SNX29: variants seen among roughly 807,000 people sequenced by gnomAD.
SNX29 encodes sorting nexin-29.
A neutral mutation model predicts 102.1 loss-of-function variants in SNX29; 78 were observed. The observed-to-expected ratio is 0.76, with a 90% CI of 0.64 to 0.92. The LOEUF is 0.92. Ranked by LOEUF, SNX29 falls within the 40% of genes least tolerant of loss-of-function variation. The pLI is 0.00. For missense variants in SNX29, 1,280 were observed against 1,061.7 expected, an observed-to-expected ratio of 1.21 and a Z score of -2.86; for synonymous variants, 580 against 414.5, an observed-to-expected ratio of 1.40 and a Z score of -4.85.
chr16:12,128,713 T>TA (rs2141404542), intron 12 of SNX29, among the ~76,000 whole-genome samples: 1 of 152,176 alleles, frequency 6.6e-6, no homozygotes, highest in Non-Finnish European at 1.5e-5. Flanking sequence ...TTGGCCTCCC[T>TA]AAGTGCTGGA....
At chr16:12,261,682 A>G (rs2078770704) in intron 14 of SNX29, among the ~76,000 whole-genome samples, 1 of 97,448 alleles carries the variant, frequency 1.0e-5, no homozygotes, top group Admixed American at 1.3e-4. Context: ...CCCCGGCTGG[A>G]GTGAGTGTTT....
chr16:12,441,001 A>G (rs1209297218), intron 18 of SNX29, among the ~76,000 whole-genome samples: 1 of 152,112 alleles, frequency 6.6e-6, no homozygotes, highest in East Asian at 1.9e-4. Context: ...AAATCATACA[A>G]TACGTGGCCT....
At chr16:12,550,577 C>G in intron 20 of SNX29, among the ~76,000 whole-genome samples, 1 of 150,956 alleles carries the variant, frequency 6.6e-6, no homozygotes. Context: ...ATATATACTT[C>G]CACCGGTGCA....
At chr16:12,492,718 G>A (rs2088613885) in intron 19 of SNX29, among the ~76,000 whole-genome samples, 1 of 152,164 alleles carries the variant, frequency 6.6e-6, no homozygotes, top group Non-Finnish European at 1.5e-5. Flanking sequence ...TAAGGTGTAA[G>A]GAAGGGATCC....
chr16:12,322,037 G>A (rs780032680), intron 15 of SNX29, among the ~76,000 whole-genome samples: 4 of 152,224 alleles, frequency 2.6e-5, no homozygotes, highest in Middle Eastern at 3.4e-3. Flanking sequence ...GGCTGTCGTC[G>A]GGGTCCCGGT....
At chr16:12,377,102 G>C (rs1032753950) in intron 16 of SNX29, among the ~76,000 whole-genome samples, 2 of 152,244 alleles carry the variant, frequency 1.3e-5, no homozygotes, top group South Asian at 4.2e-4. Context: ...CAGACTTTCT[G>C]TGTTCTCCAG....
At chr16:12,511,420 T>G (rs1336968635) in intron 19 of SNX29, among the ~76,000 whole-genome samples, 2 of 152,134 alleles carry the variant, frequency 1.3e-5, no homozygotes, top group Non-Finnish European at 2.9e-5. Flanking sequence ...AGGGGTATGC[T>G]GAGATAATGG....
chr16:12,050,515 T>C (rs1567565500), intron 7 of SNX29, among the ~76,000 whole-genome samples: 1 of 152,066 alleles, frequency 6.6e-6, no homozygotes, highest in Non-Finnish European at 1.5e-5. Context: ...GGTGGTTAGA[T>C]TGGAAGATCC....
intron 14 of SNX29, among the ~76,000 whole-genome samples, chr16:12,224,409 C>T (rs1245627068): frequency 6.6e-6 from 1 of 152,202 alleles, no homozygotes; most frequent in Non-Finnish European, 1.5e-5. Context: ...GGTCACTCCC[C>T]CTGGGGCTCC....
At chr16:12,536,706 G>C (rs1218222507) in intron 20 of SNX29, among the ~76,000 whole-genome samples, 1 of 152,172 alleles carries the variant, frequency 6.6e-6, no homozygotes, top group Non-Finnish European at 1.5e-5. Context: ...GGCTGGACGT[G>C]GTGGCTCACG....
Position 12,546,120 on chromosome 16 carries a change from C to A in SNX29, c.2318+21279C>A, listed in dbSNP as rs188642627. 3.0e-3 allele frequency among the ~76,000 whole-genome samples: 455 copies of A among 152,276 alleles called. 6 individuals are homozygous for A. Among genetic ancestry groups the A allele is most frequent in the Non-Finnish European group, 1.7e-3 (116 of 68,020 alleles). ...TGTGTGACTTTGGACAATGTATTCT[C>A]CCCATCCACAAAACAGAGCTAATAA... is the stretch of plus-strand genomic sequence containing the variant. On this transcript the variant is annotated intron_variant, in intron 20 of 20. Coordinates refer to ENST00000566228, the MANE Select transcript of SNX29 (RefSeq NM_032167.5).
At position 12,403,671 on chromosome 16, in the gene SNX29, C is replaced by G. The variant is rs1328227720; in HGVS notation, c.2037+142C>G. ...TCCAGACACCCACATCTTAACTGCC[C>G]AGAGGCCTTGCCGAAGAAGTCTGTG... On this transcript the variant is annotated intron_variant, in intron 18 of 20. Transcript: ENST00000566228. The G allele has an allele frequency of 2.4e-5, 19 of 798,284 alleles. No homozygotes were observed. The East Asian group carries it at 4.3e-4, about 18-fold the overall frequency. The allele number at this position is 798,284 out of a possible 1,614,324, so 49.5% of individuals were successfully genotyped here. A position where few individuals can be genotyped will look rare whatever the true frequency, so the allele number is the denominator to read the frequency against.
chr16:12,550,199 T>G (rs140788713), intron 20 of SNX29, among the ~76,000 whole-genome samples: 1 of 152,302 alleles, frequency 6.6e-6, no homozygotes, highest in East Asian at 1.9e-4. Flanking sequence ...ACTAAGAGGA[T>G]AAAGCATGGA....
At chr16:12,486,302 A>G (rs948448314) in intron 19 of SNX29, among the ~76,000 whole-genome samples, 2 of 152,090 alleles carry the variant, frequency 1.3e-5, no homozygotes, top group South Asian at 4.2e-4. Context: ...TCCCTGTGTC[A>G]GGGCCCTTAA....
At chr16:12,370,404 AC>A (rs566512494) in intron 16 of SNX29, among the ~76,000 whole-genome samples, 103 of 152,242 alleles carry the variant, frequency 6.8e-4, no homozygotes, top group African/African-American at 2.4e-3. Flanking sequence ...TACTAAAAAT[AC>A]AAAAATTAGC....
chr16:12,224,915 C>T (rs950942058), intron 14 of SNX29, among the ~76,000 whole-genome samples: 2 of 152,276 alleles, frequency 1.3e-5, no homozygotes, highest in Admixed American at 1.3e-4. Flanking sequence ...CAGCTCAGAA[C>T]CAAACCTGAG....
At chr16:12,016,679 G>A (rs557183706) in intron 3 of SNX29, among the ~76,000 whole-genome samples, 1 of 152,134 alleles carries the variant, frequency 6.6e-6, no homozygotes, top group African/African-American at 2.4e-5. Flanking sequence ...AATGATGTTG[G>A]ACATCTTTTC....
intron 15 of SNX29, among the ~76,000 whole-genome samples, chr16:12,294,673 T>TG (rs2079920205): frequency 6.6e-6 from 1 of 152,112 alleles, no homozygotes; most frequent in Admixed American, 6.5e-5. Context: ...TTCAGGTCCT[T>TG]TCAGTAACAG....
intron 20 of SNX29, chr16:12,527,254 A>ACGAATCTCCATGTGATCGTGTCCTTTCTC: frequency 1.9e-6 from 1 of 533,222 alleles, no homozygotes; most frequent in Non-Finnish European, 3.6e-6. Flanking sequence ...ACCCGTGCTG[A>ACGAATCTCCATGTGATCGTGTCCTTTCTC]CGAATCTCCA....
Sources: gnomAD v4.1 joint callset for allele counts (sites outside exome capture counted in the v4.1 genomes callset) on GRCh38, gnomAD v4.1.1 for gene constraint, MANE v1.5 for transcripts, NCBI Gene and HGNC (gene_info 2026-07-23, HGNC 2026-07-21) for gene names.